The following HECW1 variants were observed in gnomAD, a reference collection of about 807,000 sequenced individuals.
HECW1 encodes the protein E3 ubiquitin-protein ligase HECW1.
HECW1 carries 61 observed loss-of-function variants against 182.3 expected under a neutral mutation model. The ratio of observed to expected loss-of-function variants is 0.33; its 90% CI spans 0.27 to 0.41. HECW1 has a LOEUF of 0.41. HECW1 is among the 10% of genes least tolerant of loss of function. The pLI is 1.00. For missense variants in HECW1, 1,739 were observed against 2,108.9 expected, an observed-to-expected ratio of 0.82 and a Z score of 3.44; for synonymous variants, 859 against 832.6, an observed-to-expected ratio of 1.03 and a Z score of -0.55.
intron 27 of HECW1, among the ~76,000 whole-genome samples, chr7:43,551,099 A>G (rs2081808382): frequency 6.6e-6 from 1 of 152,230 alleles, no homozygotes; most frequent in African/African-American, 2.4e-5. Flanking sequence ...TTTAAAAACC[A>G]GAGGCTATAA....
chr7:43,270,716 T>C (rs2152740623), intron 3 of HECW1, among the ~76,000 whole-genome samples: 1 of 152,312 alleles, frequency 6.6e-6, no homozygotes, highest in Middle Eastern at 3.4e-3. Flanking sequence ...TGTTTAATTA[T>C]TGAACTAAAA....
intron 24 of HECW1, chr7:43,510,283 C>T (rs992277374): frequency 6.6e-6 from 1 of 152,160 alleles, no homozygotes; most frequent in African/African-American, 2.4e-5. Flanking sequence ...ACAGATTATA[C>T]CTAATACAAT....
intron 13 of HECW1, among the ~76,000 whole-genome samples, chr7:43,459,073 A>G (rs929552152): frequency 4.8e-4 from 72 of 151,348 alleles, no homozygotes; most frequent in African/African-American, 1.7e-3. Context: ...CTCCCATGGC[A>G]GGAAAATGCC....
intron 2 of HECW1, chr7:43,239,136 A>G (rs879676842): frequency 6.6e-6 from 1 of 152,238 alleles, no homozygotes; most frequent in Non-Finnish European, 1.5e-5. Flanking sequence ...TTGGCCTGCT[A>G]TCCAGTCTGG....
chr7:43,289,767 G>T (rs1433931191), intron 3 of HECW1, among the ~76,000 whole-genome samples: 1 of 152,234 alleles, frequency 6.6e-6, no homozygotes, highest in African/African-American at 2.4e-5. Context: ...TTACAGTTTG[G>T]TTTTATACAT....
At chr7:43,473,460 GGTGA>G (rs2078101422) in intron 16 of HECW1, among the ~76,000 whole-genome samples, 1 of 152,032 alleles carries the variant, frequency 6.6e-6, no homozygotes. Context: ...AAGGACTAGT[GGTGA>G]GTATTTAAAT....
At chr7:43,414,414 G>A (rs1349987473) in intron 8 of HECW1, among the ~76,000 whole-genome samples, 1 of 142,000 alleles carries the variant, frequency 7.0e-6, no homozygotes, top group African/African-American at 2.7e-5. Context: ...GGGACAATTT[G>A]ACTTCCTCTT....
intron 2 of HECW1, among the ~76,000 whole-genome samples, chr7:43,138,752 C>T (rs974603617): frequency 1.3e-5 from 2 of 152,186 alleles, no homozygotes; most frequent in Non-Finnish European, 2.9e-5. Context: ...TATTCCAAAG[C>T]GCTTTCCATA....
intron 6 of HECW1, among the ~76,000 whole-genome samples, chr7:43,365,263 C>G (rs924757706): frequency 3.9e-5 from 6 of 152,240 alleles, no homozygotes; most frequent in Non-Finnish European, 8.8e-5. Context: ...GCATACTGCT[C>G]CCACACCTGG....
intron 6 of HECW1, among the ~76,000 whole-genome samples, chr7:43,370,365 G>T (rs780652834): frequency 2.0e-5 from 3 of 152,162 alleles, no homozygotes; most frequent in Non-Finnish European, 4.4e-5. Flanking sequence ...TTCTGTCAAG[G>T]ATATGGAGCA....
chr7:43,466,511 C>T lies in HECW1; in HGVS notation c.2856C>T (p.Ser952=), dbSNP rs2152897072. Residue 952 remains serine, a synonymous_variant, in exon 15 of 30, where the codon TCC becomes TCT. Coordinates refer to ENST00000395891, the MANE Select transcript of HECW1 (RefSeq NM_015052.5). Reference sequence around the variant, plus strand: ...AAAAAATCACCTTGCTGCTGCAGTCCCCAGCGGTCAAGTTCATCACCAACC... The same window carrying T: ...AAAAAATCACCTTGCTGCTGCAGTCTCCAGCGGTCAAGTTCATCACCAACC... ...NSQKITLLLQ[S]PAVKFITNPE... is the part of the protein sequence containing the mutation. 1 of 1,613,840 alleles carries T rather than the reference C, an allele frequency of 6.2e-7. No homozygotes were observed. Among genetic ancestry groups the T allele is most frequent in the East Asian group, 2.2e-5 (1 of 44,878 alleles).
intron 5 of HECW1, among the ~76,000 whole-genome samples, chr7:43,358,370 A>G (rs1448672573): frequency 1.3e-5 from 2 of 152,212 alleles, no homozygotes; most frequent in Non-Finnish European, 2.9e-5. Context: ...GTCTTGGAGA[A>G]TAAGTACAGA....
At chr7:43,232,111 C>T (rs1225856745) in intron 2 of HECW1, among the ~76,000 whole-genome samples, 4 of 151,332 alleles carry the variant, frequency 2.6e-5, no homozygotes, top group Admixed American at 6.6e-5. Flanking sequence ...AAGGAAAGAG[C>T]TTGGAATTTC....
At chr7:43,557,273 C>G (rs1217116426) in intron 29 of HECW1, among the ~76,000 whole-genome samples, 7 of 152,158 alleles carry the variant, frequency 4.6e-5, no homozygotes. Context: ...GGCCTGCACT[C>G]TGGGAGAGGC....
At position 43,445,294 on chromosome 7, in the gene HECW1, T is replaced by C; in HGVS notation, c.2122T>C (p.Tyr708His). 1 of 1,613,596 alleles carries C rather than the reference T, an allele frequency of 6.2e-7. No individual in the cohort carries two copies. The highest frequency in any genetic ancestry group is 1.3e-5 in the African/African-American group (1 of 75,040). ...CGCCTCGTGCTACAGCCCCTCCTGC[T>C]ACAACGGCAACAGGTTCGCCAGCCA... is the stretch of plus-strand genomic sequence containing the variant. ...YSASCYSPSC[Y>H]NGNRFASHTR... The change falls in exon 11 of 30, where the codon TAC becomes CAC. Residue 708 changes from tyrosine to histidine, a missense_variant. Tyr to His is a moderately conservative substitution (Grantham distance 83). Around this residue, in one of 5 missense-constraint regions of HECW1, gnomAD observed 971 missense variants for 1,029.1 expected, o/e 0.94. Transcript: ENST00000395891.
intron 2 of HECW1, among the ~76,000 whole-genome samples, chr7:43,220,863 C>A (rs1162287616): frequency 6.6e-6 from 1 of 152,146 alleles, no homozygotes; most frequent in Non-Finnish European, 1.5e-5. Flanking sequence ...ATTATGGTGC[C>A]CCTTGGCTTT....
intron 12 of HECW1, among the ~76,000 whole-genome samples, chr7:43,452,702 A>G (rs2077273581): frequency 6.6e-6 from 1 of 152,246 alleles, no homozygotes; most frequent in African/African-American, 2.4e-5. Context: ...CTGGCCTAGC[A>G]TAGGAGATGC....
chr7:43,231,985 G>A (rs1480755523), intron 2 of HECW1, among the ~76,000 whole-genome samples: 1 of 137,916 alleles, frequency 7.3e-6, no homozygotes, highest in East Asian at 2.1e-4. Flanking sequence ...TCCCACCACT[G>A]CACTCCAGCC....
chr7:43,550,544 C>T lies in HECW1; in HGVS notation c.4348C>T (p.Arg1450Cys). 1 of 1,610,966 alleles carries T rather than the reference C, an allele frequency of 6.2e-7. No individual in the cohort carries two copies. The change falls in exon 27 of 30, where the codon CGC (arginine) becomes TGC (cysteine). Residue 1450 changes from arginine (R) to cysteine (C), a missense_variant. Physicochemically the swap from Arg to Cys is radical, Grantham distance 180. This residue lies in a region of HECW1 where 420 missense variants were observed against 595.7 expected (regional missense o/e 0.71). Transcript: ENST00000395891. ...IERMVKWRVERGVVQQTEALV... is the reference protein window; with the variant it reads ...IERMVKWRVECGVVQQTEALV... The stretch of plus-strand genomic sequence containing the variant: ...GCGCATGGTGAAGTGGCGGGTGGAG[C>T]GCGGCGTGGTACAGCAGACCGAGGC...
Sources: allele counts gnomAD v4.1 joint callset (sites outside exome capture counted in the v4.1 genomes callset), GRCh38; gene constraint gnomAD v4.1.1; regional missense constraint gnomAD v4.1.1; transcripts MANE v1.5; gene names NCBI Gene and HGNC (gene_info 2026-07-23, HGNC 2026-07-21).